The following SYTL2 variants were observed in gnomAD, a reference collection of about 807,000 sequenced individuals.
SYTL2 encodes the protein synaptotagmin-like protein 2.
Under a neutral mutation model 198.7 loss-of-function variants are expected in SYTL2, and 165 were observed. That is an observed-to-expected ratio of 0.83 (90% CI 0.73 to 0.94). The LOEUF is 0.94. Among genes scored for constraint, SYTL2 ranks in the 40% least tolerant of loss-of-function variants. The pLI, the probability that SYTL2 is intolerant of heterozygous loss-of-function variation, is 0.00. For synonymous variants in SYTL2, 966 were observed against 917.7 expected (o/e 1.05, Z -0.95); for missense variants, 2,835 against 2,582.8 (o/e 1.10, Z -2.12).
In SYTL2 at chr11:85,727,200, C is replaced by A; in HGVS notation, c.2158G>T (p.Val720Phe). Reference sequence around the variant, plus strand: ...TTATCTTTCAAACCTGGTTCTTTGACAACTGTTGAAGAGTCAAAATTCACT... The same window carrying A: ...TTATCTTTCAAACCTGGTTCTTTGAAAACTGTTGAAGAGTCAAAATTCACT... ...SEVNFDSSTVVKEPGLKDNMN... is the reference protein window; with the variant it reads ...SEVNFDSSTVFKEPGLKDNMN... Residue 720 changes from valine to phenylalanine, a missense_variant, in exon 8 of 20, where the codon GTC becomes TTC. By Grantham distance (50) the Val-to-Phe change is conservative. Transcript: ENST00000359152. The A allele has an allele frequency of 1.3e-6, 2 of 1,536,460 alleles. No individual in the cohort carries two copies. The highest frequency in any genetic ancestry group is 2.4e-5 in the South Asian group (2 of 84,050).
chr11:85,822,587 T>C, the SYTL2 span, among the ~76,000 whole-genome samples: 1 of 152,214 alleles, frequency 6.6e-6, no homozygotes, highest in African/African-American at 2.4e-5. Flanking sequence ...CTCCCTGACA[T>C]CTCATTTCCC....
In SYTL2 at chr11:85,724,467, G is replaced by A; in HGVS notation, c.4891C>T (p.Gln1631Ter). Residue 1631 changes from glutamine to a stop codon, truncating the protein, a stop_gained, in exon 8 of 20, where the codon CAA (glutamine) becomes TAA (stop). Transcript: ENST00000359152. LOFTEE classifies it high-confidence loss of function. ...MKDKSNGLESQVNQCDKMLGG... is the reference protein window; with the variant it reads ...MKDKSNGLES ...AACATTTTATCACATTGGTTGACTTGAGATTCCAAACCATTACTTTTATCC... is the reference window on the plus strand; with the variant it reads ...AACATTTTATCACATTGGTTGACTTAAGATTCCAAACCATTACTTTTATCC... 1.2e-6 allele frequency: 2 copies of A among 1,613,242 alleles called. No homozygotes were observed. The highest frequency in any genetic ancestry group is 1.7e-6 in the Non-Finnish European group (2 of 1,179,826).
At chr11:85,754,283 T>C (rs2091726794) in intron 2 of SYTL2, among the ~76,000 whole-genome samples, 1 of 152,200 alleles carries the variant, frequency 6.6e-6, no homozygotes, top group African/African-American at 2.4e-5. Context: ...CACCCTGGAA[T>C]TCTCTTCATA....
At position 85,757,573 on chromosome 11, in the gene SYTL2, G is replaced by C. The variant is rs374959762; in HGVS notation, c.101+52C>G. 47 of 1,594,762 alleles carry C rather than the reference G, an allele frequency of 2.9e-5. 1 individual carries two copies. The Middle Eastern group carries it at 1.5e-3, about 51-fold the overall frequency. On this transcript the variant is annotated intron_variant, in intron 2 of 19. Transcript: ENST00000359152. ...AAAAAAACCCCAGTGTCCTATTTTC[G>C]TACAGACTGCCTCTTCCTTCCCTCA...
upstream of SYTL2, among the ~76,000 whole-genome samples, chr11:85,812,357 G>T (rs2093045965): frequency 6.6e-6 from 1 of 152,172 alleles, no homozygotes; most frequent in Non-Finnish European, 1.5e-5. Context: ...CCCAGTGCAG[G>T]CTGCTAGCCT....
At chr11:85,753,456 T>C (rs2091670138) in intron 2 of SYTL2, among the ~76,000 whole-genome samples, 1 of 152,098 alleles carries the variant, frequency 6.6e-6, no homozygotes, top group Non-Finnish European at 1.5e-5. Context: ...ACCGTTATTG[T>C]CTCAGCTGTA....
intron 1 of SYTL2, among the ~76,000 whole-genome samples, chr11:85,773,461 C>A (rs2092395922): frequency 6.6e-6 from 1 of 152,224 alleles, no homozygotes; most frequent in African/African-American, 2.4e-5. Context: ...GGTGTCACCT[C>A]CTGTCGGAAG....
intron 17 of SYTL2, among the ~76,000 whole-genome samples, chr11:85,700,082 C>T (rs114771593): frequency 0.013 from 1,974 of 151,948 alleles, 38 homozygotes; most frequent in African/African-American, 0.045. Context: ...GAGGTGAAAC[C>T]TAATGACTAT....
intron 1 of SYTL2, among the ~76,000 whole-genome samples, chr11:85,759,499 A>T (rs2153556331): frequency 6.8e-6 from 1 of 148,134 alleles, no homozygotes; most frequent in East Asian, 2.0e-4. Context: ...AATAATGAAT[A>T]TAAAAAGAGC....
intron 1 of SYTL2, among the ~76,000 whole-genome samples, chr11:85,759,893 C>T (rs1393712501): frequency 6.6e-6 from 1 of 152,150 alleles, no homozygotes; most frequent in Non-Finnish European, 1.5e-5. Context: ...AACTTCCATA[C>T]CCCAAGTTAA....
At chr11:85,841,419 T>A in the SYTL2 span, among the ~76,000 whole-genome samples, 2 of 152,194 alleles carry the variant, frequency 1.3e-5, no homozygotes, top group South Asian at 4.1e-4. Flanking sequence ...GGAATCAACC[T>A]AAATTACCAT....
chr11:85,727,470 T>C lies in SYTL2; in HGVS notation c.1888A>G (p.Ile630Val). 1 of 1,536,180 alleles carries C rather than the reference T, an allele frequency of 6.5e-7. No individual in the cohort carries two copies. ...CCATAGCTTTCAAATGGTTGCAATA[T>C]ACCTGGGCCTTCCTTTGGGGTGCCT... ...QKGTPKEGPG[I>V]LQPFESYGTP... is the part of the protein sequence containing the mutation. The change falls in exon 8 of 20, where the codon ATA (isoleucine) becomes GTA (valine). Residue 630 changes from isoleucine (I) to valine (V), a missense_variant. Around this residue, in one of 3 missense-constraint regions of SYTL2, gnomAD observed 2,645 missense variants for 2,381.7 expected, o/e 1.11. Coordinates refer to ENST00000359152, the MANE Select transcript of SYTL2 (RefSeq NM_206927.4).
At chr11:85,815,944 G>C (rs186782001), upstream of SYTL2, among the ~76,000 whole-genome samples, 221 of 152,270 alleles carry the variant, frequency 1.5e-3, 1 homozygote, top group African/African-American at 5.0e-3. Flanking sequence ...CTGGTGGATT[G>C]CTTGAGCTCA....
Position 85,727,750 on chromosome 11 carries a change from C to G in SYTL2, c.1608G>C (p.Lys536Asn). ...FNRSSYSDDNKSFLQHPRGIE... is the reference protein window; with the variant it reads ...FNRSSYSDDNNSFLQHPRGIE... The stretch of plus-strand genomic sequence containing the variant: ...TTCCTCGGGGATGTTGGAGGAATGA[C>G]TTATTGTCATCTGAATAAGAACTTC... Residue 536 changes from lysine to asparagine, a missense_variant, in exon 8 of 20, where the codon AAG (lysine) becomes AAC (asparagine). Physicochemically the swap from Lys to Asn is moderately conservative, Grantham distance 94. Transcript: ENST00000359152. 3.2e-6 allele frequency: 5 copies of G among 1,558,010 alleles called. No individual in the cohort carries two copies. The highest frequency in any genetic ancestry group is 4.3e-6 in the Non-Finnish European group (5 of 1,150,494).
At chr11:85,728,041 C>A (rs1204739652) in intron 7 of SYTL2, 74 bp from the exon 8 acceptor site, 8 of 1,346,654 alleles carry the variant, frequency 5.9e-6, no homozygotes, top group Non-Finnish European at 8.0e-6. Context: ...ACATCATCAT[C>A]TTTATAAAAG....
chr11:85,816,072 G>A (rs889095142), upstream of SYTL2, among the ~76,000 whole-genome samples: 1 of 152,134 alleles, frequency 6.6e-6, no homozygotes, highest in Non-Finnish European at 1.5e-5. Context: ...GGCTGAGGCA[G>A]GAGAATCGCT....
chr11:85,811,614 A>G (rs2153667616), upstream of SYTL2, among the ~76,000 whole-genome samples: 1 of 152,102 alleles, frequency 6.6e-6, no homozygotes, highest in East Asian at 1.9e-4. Context: ...ATTTCCTCAC[A>G]TGTGAAATAG....
chr11:85,779,730 G>T (rs909692257), intron 1 of SYTL2, among the ~76,000 whole-genome samples: 12 of 151,576 alleles, frequency 7.9e-5, no homozygotes, highest in Non-Finnish European at 2.9e-5. Context: ...TTCAGTTTCA[G>T]AAGAAGAAAA....
chr11:85,843,463 G>A, the SYTL2 span, among the ~76,000 whole-genome samples: 3 of 152,218 alleles, frequency 2.0e-5, no homozygotes, highest in East Asian at 5.8e-4. Context: ...TACTAAATAC[G>A]GAACATAGCC....
Sources: gnomAD v4.1 joint callset for allele counts (sites outside exome capture counted in the v4.1 genomes callset) on GRCh38, gnomAD v4.1.1 for gene constraint, gnomAD v4.1.1 regional missense constraint, MANE v1.5 for transcripts, NCBI Gene and HGNC (gene_info 2026-07-23, HGNC 2026-07-21) for gene names.